Variants in ACOD1 observed in about 807,000 individuals in gnomAD.
The protein encoded by ACOD1 is aconitate decarboxylase 1, also known as cis-aconitate decarboxylase.
In ACOD1, 14 loss-of-function variants were observed where a neutral mutation model predicts 14.2. The ratio of observed to expected loss-of-function variants is 0.99; its 90% CI spans 0.65 to 1.54. ACOD1 has a LOEUF of 1.54. Ranked by LOEUF, ACOD1 falls within the 40% of genes most tolerant of loss-of-function variation. ACOD1 has a pLI of 0.00. For missense variants in ACOD1, 530 were observed against 586.3 expected (o/e 0.90, Z 0.99); for synonymous variants, 182 against 221.7 (o/e 0.82, Z 1.59).
chr13:76,949,824 CCTCT>C (rs1396776528), intron 1 of ACOD1, among the ~76,000 whole-genome samples: 1 of 152,110 alleles, frequency 6.6e-6, no homozygotes, highest in Non-Finnish European at 1.5e-5. Context: ...ACCCTTTCTT[CCTCT>C]CTCTTTCTGC....
rs1437795152 is a variant in ACOD1 at position 76,957,684 on chromosome 13, A to G, written c.1145A>G (p.Asn382Ser). The G allele has an allele frequency of 1.1e-5, 17 of 1,550,630 alleles. 1 individual carries two copies. The Middle Eastern group carries it at 1.2e-3, about 107-fold the overall frequency. Residue 382 changes from asparagine to serine, a missense_variant, in exon 5 of 5, where the codon AAC becomes AGC. Physicochemically the swap from Asn to Ser is conservative, Grantham distance 46 (BLOSUM62 1). Coordinates refer to ENST00000377462, the MANE Select transcript of ACOD1 (RefSeq NM_001258406.2). ...EYPPDNLPSF[N>S]ILYCEISVTL... is the part of the protein sequence containing the mutation. ...CCTCCGGACAACTTGCCAAGCTTCA[A>G]CATACTGTACTGTGAAATAAGTGTC... is the stretch of plus-strand genomic sequence containing the variant.
rs544465486 is a variant in ACOD1, at chr13:76,948,575, T to A, written c.12+5T>A. 115 of 1,534,462 alleles carry A rather than the reference T, an allele frequency of 7.5e-5. No individual in the cohort carries two copies. Among genetic ancestry groups the A allele is most frequent in the Admixed American group, 5.5e-4 (27 of 49,166 alleles). ...TACAACGAAATGATGCTCAAGGTAT[T>A]GTAGCATTTTATGTGACTTACTTAA... On this transcript the variant is annotated splice_donor_5th_base_variant and intron_variant, in intron 1 of 4. Transcript: ENST00000377462.
intron 4 of ACOD1, 121 bp downstream of exon 4, chr13:76,955,645 G>T: frequency 1.2e-6 from 1 of 827,898 alleles, no homozygotes; most frequent in Non-Finnish European, 1.9e-6. Context: ...ATTAGCACAG[G>T]TAGATAAGTC....
rs1290721919 is a variant in ACOD1 at position 76,952,569 on chromosome 13, G to C, written c.93G>C (p.Lys31Asn). The C allele has an allele frequency of 6.4e-7, 1 of 1,550,456 alleles. No homozygotes were observed. The highest frequency in any genetic ancestry group is 8.7e-7 in the Non-Finnish European group (1 of 1,146,914). ...HLTDRVIQRS[K>N]RMILDTLGAG... Reference sequence around the variant, plus strand: ...CAGATCGTGTTATTCAGAGGAGCAAGAGGATGATTCTAGACACTCTGGGTG... The same window carrying C: ...CAGATCGTGTTATTCAGAGGAGCAACAGGATGATTCTAGACACTCTGGGTG... The change falls in exon 2 of 5, where the codon AAG becomes AAC. Residue 31 changes from lysine to asparagine, a missense_variant. Lys to Asn is a moderately conservative substitution (Grantham distance 94, BLOSUM62 0). Coordinates refer to ENST00000377462, the MANE Select transcript of ACOD1 (RefSeq NM_001258406.2).
At chr13:76,955,646 T>C (rs1302953684) in intron 4 of ACOD1, 122 bp downstream of exon 4, 2 of 816,716 alleles carry the variant, frequency 2.4e-6, no homozygotes, top group South Asian at 1.7e-5. Flanking sequence ...TTAGCACAGG[T>C]AGATAAGTCA....
At position 76,955,495 on chromosome 13, in the gene ACOD1, C is replaced by T. The variant is rs763945083; in HGVS notation, c.441C>T (p.Phe147=). ...AAGTGCAAGGCCGATTACTGCATTT[C>T]GCCAAGGAGGCCAATGACATGCCAA... ...GIEVQGRLLH[F]AKEANDMPKR... is the part of the protein sequence containing the mutation. Residue 147 remains phenylalanine (F), a synonymous_variant, in exon 4 of 5, where the codon TTC becomes TTT. Transcript: ENST00000377462. 2.1e-4 allele frequency: 330 copies of T among 1,550,522 alleles called. 1 individual carries two copies. In the Middle Eastern group the frequency reaches 3.3e-3, roughly 16 times the overall value.
Position 76,955,634 on chromosome 13 carries a change from C to T in ACOD1, c.470+110C>T, listed in dbSNP as rs1170088426. The T allele has an allele frequency of 1.1e-5, 10 of 892,930 alleles. No homozygotes were observed. In the East Asian group the frequency reaches 2.1e-4, roughly 19 times the overall value. The allele number at this position is 892,930 out of a possible 1,614,324, so 55.3% of individuals were successfully genotyped here. A position where few individuals can be genotyped will look rare whatever the true frequency, so the allele number is the denominator to read the frequency against. On this transcript the variant is annotated intron_variant, in intron 4 of 4. Coordinates refer to ENST00000377462, the MANE Select transcript of ACOD1 (RefSeq NM_001258406.2). ...AGGCCGGTTCAGAGGAAGATGTTAA[C>T]ATTAGCACAGGTAGATAAGTCAATA... is the stretch of plus-strand genomic sequence containing the variant.
intron 4 of ACOD1, among the ~76,000 whole-genome samples, chr13:76,955,965 C>A (rs565621433): frequency 6.6e-6 from 1 of 152,168 alleles, no homozygotes; most frequent in South Asian, 2.1e-4. Flanking sequence ...GCCACTTGCT[C>A]CAGCCTGCCA....
chr13:76,950,118 G>A (rs1002885587), intron 1 of ACOD1, among the ~76,000 whole-genome samples: 14 of 152,292 alleles, frequency 9.2e-5, no homozygotes, highest in Admixed American at 3.3e-4. Context: ...GTTGAAGGAC[G>A]TTCAGCTAGG....
At chr13:76,951,292 G>A (rs1327452461) in intron 1 of ACOD1, among the ~76,000 whole-genome samples, 1 of 152,146 alleles carries the variant, frequency 6.6e-6, no homozygotes, top group African/African-American at 2.4e-5. Flanking sequence ...CGGGAGTGCG[G>A]TGGCATGATC....
chr13:76,954,662 TTC>T (rs1244102923), intron 3 of ACOD1, among the ~76,000 whole-genome samples: 2 of 152,170 alleles, frequency 1.3e-5, no homozygotes, highest in African/African-American at 2.4e-5. Flanking sequence ...AGCCACCTGA[TTC>T]TGCAGCTTTG....
chr13:76,950,328 C>G (rs986433134), intron 1 of ACOD1, among the ~76,000 whole-genome samples: 6 of 152,206 alleles, frequency 3.9e-5, no homozygotes, highest in African/African-American at 1.2e-4. Flanking sequence ...CCAATATTCA[C>G]TAGGTGGTGA....
chr13:76,955,545 A>G (rs2033867125), intron 4 of ACOD1, 21 bp downstream of exon 4: 2 of 1,543,758 alleles, frequency 1.3e-6, no homozygotes, highest in Non-Finnish European at 1.8e-6. Context: ...AATTTGCCCC[A>G]TCAAAAGGTA....
Position 76,948,687 on chromosome 13 carries a change from C to A in ACOD1, c.12+117C>A, listed in dbSNP as rs1188601107. 3 of 795,854 alleles carry A rather than the reference C, an allele frequency of 3.8e-6. No homozygotes were observed. In the East Asian group the frequency reaches 8.4e-5, roughly 22 times the overall value. The allele number at this position is 795,854 out of a possible 1,614,324, so 49.3% of individuals were successfully genotyped here. A position where few individuals can be genotyped will look rare whatever the true frequency, so the allele number is the denominator to read the frequency against. ...ACTACCTGCTTCTGCTTTAACTTTTCTTTCAACCTGTGGGCTACCTAATTA... is the reference window on the plus strand; with the variant it reads ...ACTACCTGCTTCTGCTTTAACTTTTATTTCAACCTGTGGGCTACCTAATTA... On this transcript the variant is annotated intron_variant, in intron 1 of 4. Coordinates refer to ENST00000377462, the MANE Select transcript of ACOD1 (RefSeq NM_001258406.2).
chr13:76,949,362 C>G (rs2033801321), intron 1 of ACOD1, among the ~76,000 whole-genome samples: 1 of 152,056 alleles, frequency 6.6e-6, no homozygotes, highest in Non-Finnish European at 1.5e-5. Context: ...ATGCAAATGC[C>G]ATGAGAAGGT....
intron 2 of ACOD1, among the ~76,000 whole-genome samples, chr13:76,953,193 G>C (rs931821366): frequency 2.6e-5 from 4 of 152,030 alleles, no homozygotes; most frequent in Non-Finnish European, 5.9e-5. Context: ...ATATCTCACA[G>C]TTTATTATTA....
In ACOD1 at chr13:76,958,175, A is replaced by AAG. The variant is rs1419326254; in HGVS notation, c.*192_*193dup. On this transcript the variant is annotated 3_prime_UTR_variant, in exon 5 of 5. Coordinates refer to ENST00000377462, the MANE Select transcript of ACOD1 (RefSeq NM_001258406.2). The stretch of plus-strand genomic sequence containing the variant: ...CAGGACAGTTCCACTTACCTAAATC[A>AAG]AGATGAAACACACACACAAAAATGA... 2.0e-6 allele frequency: 1 copy of AAG among 511,720 alleles called. No homozygotes were observed. Among genetic ancestry groups the AAG allele is most frequent in the African/African-American group, 1.9e-5 (1 of 51,798 alleles). 31.7% of individuals were successfully genotyped at this position (511,720 alleles called of 1,614,324 possible).
chr13:76,949,986 C>T (rs944463072), intron 1 of ACOD1, among the ~76,000 whole-genome samples: 3 of 152,174 alleles, frequency 2.0e-5, no homozygotes, highest in African/African-American at 7.2e-5. Context: ...ATACACCCCT[C>T]CACCTTTCTA....
rs1249015462 is a variant in ACOD1, at chr13:76,958,559, A to G, written c.*574A>G. ...GTAAAAAGCAGTCTGGAAAAATCGCATTTTGGCTCTAGAACCCATGGTCTT... is the reference window on the plus strand; with the variant it reads ...GTAAAAAGCAGTCTGGAAAAATCGCGTTTTGGCTCTAGAACCCATGGTCTT... On this transcript the variant is annotated 3_prime_UTR_variant, in exon 5 of 5. Transcript: ENST00000377462. 6.6e-6 allele frequency: 1 copy of G among 152,548 alleles called. No homozygotes were observed. The highest frequency in any genetic ancestry group is 2.4e-5 in the African/African-American group (1 of 41,448). The allele number at this position is 152,548 out of a possible 1,614,324, so 9.4% of individuals were successfully genotyped here. A position where few individuals can be genotyped will look rare whatever the true frequency, so the allele number is the denominator to read the frequency against.
Sources: gnomAD v4.1 joint callset for allele counts (sites outside exome capture counted in the v4.1 genomes callset) on GRCh38, gnomAD v4.1.1 for gene constraint, MANE v1.5 for transcripts, NCBI Gene and HGNC (gene_info 2026-07-23, HGNC 2026-07-21) for gene names.